Variants in JAML observed in about 807,000 individuals in gnomAD.
The protein encoded by JAML is junction adhesion molecule like, also known as junctional adhesion molecule-like.
A neutral mutation model predicts 39.3 loss-of-function variants in JAML; 25 were observed. The ratio of observed to expected loss-of-function variants is 0.64; its 90% CI spans 0.46 to 0.89. JAML has a LOEUF of 0.89. Ranked by LOEUF, JAML falls within the 40% of genes least tolerant of loss-of-function variation. The pLI, the probability that JAML is intolerant of heterozygous loss-of-function variation, is 0.00. For synonymous variants in JAML, 162 were observed against 179.2 expected (o/e 0.90, Z 0.77); for missense variants, 440 against 486.9 (o/e 0.90, Z 0.91).
chr11:118,211,674 T>G (rs1031775134), intron 3 of JAML, among the ~76,000 whole-genome samples: 8 of 152,238 alleles, frequency 5.3e-5, no homozygotes, highest in African/African-American at 1.9e-4. Context: ...AAAACAATAT[T>G]TTGTTTGCAA....
chr11:118,198,026 G>C lies in JAML; in HGVS notation c.977C>G (p.Pro326Arg). The change falls in exon 8 of 10, where the codon CCC (proline) becomes CGC (arginine). Residue 326 changes from proline (P) to arginine (R), a missense_variant. Coordinates refer to ENST00000356289, the MANE Select transcript of JAML (RefSeq NM_001098526.2). ...KKTNPEIKEK[P>R]CHFERCEGEK... ...CCCTTCACATCTTTCAAAATGGCAG[G>C]GTTTTTCTTTTATCTCTGGATTAGT... The C allele has an allele frequency of 1.2e-6, 2 of 1,614,138 alleles. No individual in the cohort carries two copies. The highest frequency in any genetic ancestry group is 1.7e-6 in the Non-Finnish European group (2 of 1,179,996).
At chr11:118,201,255 A>G (rs897904393) in intron 6 of JAML, 1 of 152,282 alleles carries the variant, frequency 6.6e-6, no homozygotes, top group Non-Finnish European at 1.5e-5. Flanking sequence ...GGGGCACAGA[A>G]AAAAGGGTGT....
At chr11:118,203,027 G>C (rs1340139471) in intron 6 of JAML, 2 of 460,770 alleles carry the variant, frequency 4.3e-6, no homozygotes, top group East Asian at 1.4e-4. Context: ...ACTAGCTTAG[G>C]ATCATTTCCC....
At position 118,200,552 on chromosome 11, in the gene JAML, A is replaced by G. The variant is rs747135302; in HGVS notation, c.833T>C (p.Ile278Thr). The change falls in exon 7 of 10, where the codon ATT becomes ACT. Residue 278 changes from isoleucine (I) to threonine (T), a missense_variant. Ile to Thr is a moderately conservative substitution (Grantham distance 89). Transcript: ENST00000356289. ...GATTGTGGCACAGACAATTCCCACA[A>G]TGATCACCAACTGATTACCACCCAA... ...LVLGGNQLVI[I>T]VGIVCATILL... The G allele has an allele frequency of 1.1e-5, 18 of 1,614,148 alleles. No individual in the cohort carries two copies. The highest frequency in any genetic ancestry group is 1.5e-5 in the Non-Finnish European group (18 of 1,180,012).
At position 118,219,867 on chromosome 11, in the gene JAML, G is replaced by A. The variant is rs189307211; in HGVS notation, c.-20-4981C>T. 1.1e-3 allele frequency among the ~76,000 whole-genome samples: 170 copies of A among 152,246 alleles called. 1 individual carries two copies. The highest frequency in any genetic ancestry group is 3.9e-3 in the African/African-American group (163 of 41,538). On this transcript the variant is annotated intron_variant, in intron 1 of 9. Transcript: ENST00000356289. ...AGGGCTGCTCCCTGTGGACCAGAAG[G>A]TCCTGGTGAGAAGTCACCACCCAAT...
chr11:118,193,983 ATC>A lies in JAML; in HGVS notation c.*340_*341del, dbSNP rs1948598575. 8.8e-6 allele frequency: 2 copies of A among 226,870 alleles called. No homozygotes were observed. The highest frequency in any genetic ancestry group is 1.7e-4 in the South Asian group (2 of 12,066). 14.1% of individuals were successfully genotyped at this position (226,870 alleles called of 1,614,324 possible). A position where few individuals can be genotyped will look rare whatever the true frequency, so the allele number is the denominator to read the frequency against. On this transcript the variant is annotated 3_prime_UTR_variant, in exon 10 of 10. Transcript: ENST00000356289. The stretch of plus-strand genomic sequence containing the variant: ...AGAGGAATGATTTGGGTTGGTTTTT[ATC>A]TCTGATTCTTCCCAGTAACTCATCC...
At chr11:118,199,652 G>A (rs979482010) in intron 7 of JAML, among the ~76,000 whole-genome samples, 5 of 151,484 alleles carry the variant, frequency 3.3e-5, no homozygotes, top group Admixed American at 1.3e-4. Flanking sequence ...GAGAACTACC[G>A]ATGAAATTCA....
chr11:118,212,018 CT>C (rs75552058), intron 3 of JAML, among the ~76,000 whole-genome samples: 69,425 of 151,902 alleles, frequency 0.46, 17,875 homozygotes, highest in South Asian at 0.74. Context: ...GAATTTACCC[CT>C]CTCACCTGCT....
intron 8 of JAML, 137 bp downstream of exon 8, chr11:118,197,861 G>C: frequency 1.3e-6 from 1 of 770,770 alleles, no homozygotes. Flanking sequence ...AGTGACAAAG[G>C]CTTCCTGAGT....
At chr11:118,213,694 G>A (rs894927464) in intron 2 of JAML, among the ~76,000 whole-genome samples, 2 of 152,184 alleles carry the variant, frequency 1.3e-5, no homozygotes, top group African/African-American at 4.8e-5. Flanking sequence ...GATGTTTGAA[G>A]GGCAATCTTG....
Position 118,197,950 on chromosome 11 carries a change from G to A in JAML, c.1005+48C>T, listed in dbSNP as rs369890305. 2.6e-6 allele frequency: 4 copies of A among 1,550,460 alleles called. No homozygotes were observed. In the African/African-American group the frequency reaches 4.1e-5, roughly 16 times the overall value. ...TATGGTTCCCGGGGGTATGAGAACG[G>A]CCCAGGCCTGCATCTACTTAGTGTT... On this transcript the variant is annotated intron_variant, in intron 8 of 9. Transcript: ENST00000356289.
At chr11:118,212,958 T>G in intron 2 of JAML, 1 of 1,614,196 alleles carries the variant, frequency 6.2e-7, no homozygotes, top group Admixed American at 1.7e-5. Flanking sequence ...AATCTCCCAC[T>G]GGTTCCCTCT....
chr11:118,207,255 GCAC>G (rs2134660912), intron 4 of JAML, among the ~76,000 whole-genome samples: 1 of 152,294 alleles, frequency 6.6e-6, no homozygotes, highest in South Asian at 2.1e-4. Flanking sequence ...TCCTTTCAAT[GCAC>G]CACCATGTGC....
Position 118,222,196 on chromosome 11 carries a change from G to A in JAML, c.-21+2745C>T, listed in dbSNP as rs187829026. On this transcript the variant is annotated intron_variant, in intron 1 of 9. Coordinates refer to ENST00000356289, the MANE Select transcript of JAML (RefSeq NM_001098526.2). This position sits in a 1 kb window ranked among gnomAD's most constrained non-coding sequence, Gnocchi z 4.2. ...TTTGAGAGGCCAAGGTGGACAGATC[G>A]CTTGAGCCCAGGAGTTTGAGACCAG... 1.4e-4 allele frequency among the ~76,000 whole-genome samples: 22 copies of A among 152,002 alleles called. No homozygotes were observed. Among genetic ancestry groups the A allele is most frequent in the Non-Finnish European group, 2.9e-4 (20 of 67,962 alleles).
At chr11:118,204,180 A>G (rs1591467097) in intron 5 of JAML, 1 of 167,444 alleles carries the variant, frequency 6.0e-6, no homozygotes, top group Admixed American at 5.5e-5. Context: ...AAATCCTATC[A>G]CCTCTACCTT....
At position 118,222,106 on chromosome 11, in the gene JAML, T is replaced by C. The variant is rs1010002302; in HGVS notation, c.-21+2835A>G. On this transcript the variant is annotated intron_variant, in intron 1 of 9. Transcript: ENST00000356289. The surrounding 1 kb of genome is among the most constrained non-coding windows in gnomAD (Gnocchi z 4.2). ...AAAGACGATATTTGGGCTGTATGTA[T>C]ACAGATATTGTTTTAAAAGCCCCTG... is the stretch of plus-strand genomic sequence containing the variant. 1.3e-5 allele frequency among the ~76,000 whole-genome samples: 2 copies of C among 152,206 alleles called. No individual in the cohort carries two copies. The highest frequency in any genetic ancestry group is 4.8e-5 in the African/African-American group (2 of 41,454).
intron 2 of JAML, chr11:118,213,055 G>T: frequency 6.3e-7 from 1 of 1,585,936 alleles, no homozygotes; most frequent in Non-Finnish European, 8.6e-7. Context: ...CTGGCTGTAG[G>T]GCAGGTCCTT....
At chr11:118,196,913 G>A (rs979635151) in intron 8 of JAML, 92 bp from the exon 9 acceptor site, 15 of 1,010,702 alleles carry the variant, frequency 1.5e-5, no homozygotes, top group East Asian at 2.4e-5. Flanking sequence ...GCTAGGCATC[G>A]ACCACCCAAA....
At chr11:118,200,107 T>C (rs1330662176) in intron 7 of JAML, among the ~76,000 whole-genome samples, 1 of 152,154 alleles carries the variant, frequency 6.6e-6, no homozygotes, top group Admixed American at 6.5e-5. Flanking sequence ...ACCCTTAAGA[T>C]CTTAGCTTCT....
Sources: gnomAD v4.1 joint callset for allele counts (sites outside exome capture counted in the v4.1 genomes callset) on GRCh38, gnomAD v4.1.1 for gene constraint, Gnocchi (gnomAD v3.1) non-coding constraint, MANE v1.5 for transcripts, NCBI Gene and HGNC (gene_info 2026-07-23, HGNC 2026-07-21) for gene names.